PRKG1: variants seen among roughly 807,000 people sequenced by gnomAD.
PRKG1 encodes cGMP-dependent protein kinase 1.
PRKG1 carries 35 observed loss-of-function variants against 88.1 expected under a neutral mutation model. That is an observed-to-expected ratio of 0.40 (90% CI 0.30 to 0.53). PRKG1 has a LOEUF of 0.53. Ranked by LOEUF, PRKG1 falls within the 20% of genes least tolerant of loss-of-function variation. PRKG1 has a pLI of 0.59. For missense variants in PRKG1, 540 were observed against 839.8 expected, an observed-to-expected ratio of 0.64 and a Z score of 4.41; for synonymous variants, 303 against 292.5, an observed-to-expected ratio of 1.04 and a Z score of -0.37.
intron 4 of PRKG1, among the ~76,000 whole-genome samples, chr10:51,865,558 T>C (rs886289908): frequency 2.0e-5 from 3 of 152,058 alleles, no homozygotes; most frequent in African/African-American, 4.8e-5. Flanking sequence ...ATCTGCCTTA[T>C]ATTAGAAAAA....
chr10:51,920,687 C>A (rs1842445539), intron 5 of PRKG1, among the ~76,000 whole-genome samples: 1 of 152,100 alleles, frequency 6.6e-6, no homozygotes, highest in Non-Finnish European at 1.5e-5. Flanking sequence ...TGATCTTGAG[C>A]AAGTTACTTA....
At chr10:51,067,129 T>C (rs1279953240) in intron 1 of PRKG1, among the ~76,000 whole-genome samples, 1 of 151,972 alleles carries the variant, frequency 6.6e-6, no homozygotes, top group East Asian at 1.9e-4. Context: ...GCATATGAAC[T>C]TTGGGGGAGA....
intron 3 of PRKG1, among the ~76,000 whole-genome samples, chr10:51,757,321 C>G (rs1280534598): frequency 6.6e-6 from 1 of 152,034 alleles, no homozygotes; most frequent in Non-Finnish European, 1.5e-5. Flanking sequence ...CCAGGCTAGT[C>G]TCGAACTCCT....
At chr10:52,240,959 GACTT>G in intron 9 of PRKG1, among the ~76,000 whole-genome samples, 1 of 152,068 alleles carries the variant, frequency 6.6e-6, no homozygotes. Flanking sequence ...CTGCTGTATA[GACTT>G]ACTTATGAAT....
intron 5 of PRKG1, among the ~76,000 whole-genome samples, chr10:52,020,464 G>T (rs528962490): frequency 6.6e-6 from 1 of 152,264 alleles, no homozygotes; most frequent in South Asian, 2.1e-4. Flanking sequence ...TTCGATGGAG[G>T]GGCATAAGGC....
intron 2 of PRKG1, among the ~76,000 whole-genome samples, chr10:51,161,469 T>C (rs542220052): frequency 7.5e-4 from 114 of 152,294 alleles, no homozygotes; most frequent in African/African-American, 2.4e-3. Flanking sequence ...AGTTCTCCAA[T>C]TTTTTCTAAG....
intron 3 of PRKG1, among the ~76,000 whole-genome samples, chr10:51,591,204 T>C (rs902725620): frequency 2.6e-5 from 4 of 152,194 alleles, no homozygotes; most frequent in African/African-American, 9.6e-5. Flanking sequence ...TACACATGTG[T>C]ATGAAAGGAA....
chr10:51,754,680 C>T (rs1458717965), intron 3 of PRKG1, among the ~76,000 whole-genome samples: 1 of 152,178 alleles, frequency 6.6e-6, no homozygotes, highest in Non-Finnish European at 1.5e-5. Context: ...TGCTGTCTTG[C>T]AGAAGGTGCC....
chr10:52,148,731 C>T (rs1837805914), intron 8 of PRKG1, among the ~76,000 whole-genome samples: 1 of 151,978 alleles, frequency 6.6e-6, no homozygotes, highest in Non-Finnish European at 1.5e-5. Flanking sequence ...CGAGCAGGAC[C>T]CTGAACCTCA....
At chr10:51,897,751 C>G (rs1236751950) in intron 4 of PRKG1, among the ~76,000 whole-genome samples, 1 of 152,104 alleles carries the variant, frequency 6.6e-6, no homozygotes, top group Non-Finnish European at 1.5e-5. Flanking sequence ...TCATCTCCTC[C>G]TTTGCTTCCA....
In PRKG1 at chr10:51,193,645, T is replaced by G. The variant is rs570429649; in HGVS notation, c.478+40315T>G. Among the ~76,000 whole-genome samples, 4 of 152,188 alleles carry G rather than the reference T, an allele frequency of 2.6e-5. No homozygotes were observed. The East Asian group carries it at 7.7e-4, about 29-fold the overall frequency. ...TAGGAGTAAATTAGTTGTTTTACTTTGTGAGAAAAAGACTAGCCTTCAAAA... is the reference window on the plus strand; with the variant it reads ...TAGGAGTAAATTAGTTGTTTTACTTGGTGAGAAAAAGACTAGCCTTCAAAA... On this transcript the variant is annotated intron_variant, in intron 2 of 17. Coordinates refer to ENST00000373980, the MANE Select transcript of PRKG1 (RefSeq NM_006258.4).
At chr10:51,861,813 C>T (rs1327006070) in intron 4 of PRKG1, among the ~76,000 whole-genome samples, 1 of 152,148 alleles carries the variant, frequency 6.6e-6, no homozygotes, top group African/African-American at 2.4e-5. Context: ...CTCTCAGTGC[C>T]CTTTTGCCAG....
intron 7 of PRKG1, among the ~76,000 whole-genome samples, chr10:52,105,154 G>A (rs548251147): frequency 6.6e-6 from 1 of 151,634 alleles, no homozygotes; most frequent in African/African-American, 2.4e-5. Flanking sequence ...CAAAGTAGAT[G>A]GTTGCTTTAT....
intron 3 of PRKG1, among the ~76,000 whole-genome samples, chr10:51,713,480 G>A (rs185290874): frequency 6.6e-6 from 1 of 152,296 alleles, no homozygotes; most frequent in Admixed American, 6.5e-5. Context: ...AAAACAGAGT[G>A]CCTACCAACT....
chr10:51,503,145 C>T lies in PRKG1; in HGVS notation c.592+35309C>T, dbSNP rs114503521. Among the ~76,000 whole-genome samples the T allele has an allele frequency of 3.6e-3, 545 of 152,250 alleles. 4 individuals are homozygous for T. Among genetic ancestry groups the T allele is most frequent in the Middle Eastern group, 0.02 (6 of 294 alleles). On this transcript the variant is annotated intron_variant, in intron 3 of 17. Transcript: ENST00000373980. ...GTTAGCCATCTTGAACGTACCAAGT[C>T]CTGTAATATGCTCAGCACTTTTCCT...
intron 2 of PRKG1, among the ~76,000 whole-genome samples, chr10:51,330,505 G>T (rs1040689235): frequency 6.6e-6 from 1 of 152,094 alleles, no homozygotes; most frequent in African/African-American, 2.4e-5. Flanking sequence ...AATATTACAA[G>T]AATTTCTTTA....
chr10:50,993,505 C>T (rs1388814654), intron 1 of PRKG1, among the ~76,000 whole-genome samples: 4 of 152,216 alleles, frequency 2.6e-5, no homozygotes, highest in Non-Finnish European at 5.9e-5. Context: ...CTGTGCATTC[C>T]GAGCGGCTGC....
intron 2 of PRKG1, among the ~76,000 whole-genome samples, chr10:51,195,324 T>C (rs1247443818): frequency 6.6e-6 from 1 of 152,210 alleles, no homozygotes; most frequent in Non-Finnish European, 1.5e-5. Flanking sequence ...TTAGTGTTAC[T>C]GGCACTTGAG....
At chr10:51,712,734 C>T (rs966820953) in intron 3 of PRKG1, among the ~76,000 whole-genome samples, 4 of 151,590 alleles carry the variant, frequency 2.6e-5, no homozygotes, top group Non-Finnish European at 5.9e-5. Flanking sequence ...GGACTATAGG[C>T]GCCCGCCACC....
Sources: allele counts gnomAD v4.1 joint callset (sites outside exome capture counted in the v4.1 genomes callset), GRCh38; gene constraint gnomAD v4.1.1; transcripts MANE v1.5; gene names NCBI Gene and HGNC (gene_info 2026-07-23, HGNC 2026-07-21).